BABAM2: variants seen among roughly 807,000 people sequenced by gnomAD.
BABAM2 encodes BRISC and BRCA1-A complex member 2.
A neutral mutation model predicts 54.7 loss-of-function variants in BABAM2; 31 were observed. The observed-to-expected ratio is 0.57, with a 90% confidence interval of 0.43 to 0.77. BABAM2 has a LOEUF of 0.77. Ranked by LOEUF, BABAM2 falls within the 30% of genes least tolerant of loss-of-function variation. The pLI, the probability that BABAM2 is intolerant of heterozygous loss-of-function variation, is 0.00. For synonymous variants in BABAM2, 167 were observed against 162.9 expected, an observed-to-expected ratio of 1.03 and a Z score of -0.19; for missense variants, 364 against 455.8, an observed-to-expected ratio of 0.80 and a Z score of 1.83.
intron 6 of BABAM2, among the ~76,000 whole-genome samples, chr2:28,101,534 T>C (rs1667081074): frequency 6.6e-6 from 1 of 152,176 alleles, no homozygotes; most frequent in Admixed American, 6.5e-5. Context: ...AGGGCTGAGA[T>C]AGAGTCTGTC....
chr2:27,929,867 G>T lies in BABAM2; in HGVS notation c.164G>T (p.Arg55Leu). The T allele has an allele frequency of 6.2e-7, 1 of 1,613,682 alleles. No homozygotes were observed. ...TTGACTCCTGGGCCCAACTGTGACC[G>T]ATTTAAACTGCACATACCATATGCT... Reference protein sequence around the residue: ...TSLTPGPNCDRFKLHIPYAGE... With the variant: ...TSLTPGPNCDLFKLHIPYAGE... The change falls in exon 3 of 12, where the codon CGA becomes CTA. Residue 55 changes from arginine (R) to leucine (L), a missense_variant. Physicochemically the swap from Arg to Leu is moderately radical, Grantham distance 102 (BLOSUM62 -2). Transcript: ENST00000379624.
At chr2:28,150,565 A>G (rs1405374757) in intron 7 of BABAM2, among the ~76,000 whole-genome samples, 1 of 152,218 alleles carries the variant, frequency 6.6e-6, no homozygotes, top group Non-Finnish European at 1.5e-5. Context: ...AAATGGGGCA[A>G]TCTGTAAGTA....
chr2:28,317,069 C>T (rs1035154361), intron 11 of BABAM2, among the ~76,000 whole-genome samples: 1 of 152,092 alleles, frequency 6.6e-6, no homozygotes, highest in South Asian at 2.1e-4. Flanking sequence ...GCATGTCCTT[C>T]GGCACTGCCG....
At chr2:28,281,238 G>A (rs1207524145) in intron 10 of BABAM2, among the ~76,000 whole-genome samples, 1 of 152,176 alleles carries the variant, frequency 6.6e-6, no homozygotes, top group Non-Finnish European at 1.5e-5. Context: ...GGTCCCTATG[G>A]AGGAGGACAA....
intron 3 of BABAM2, among the ~76,000 whole-genome samples, chr2:27,973,979 A>G (rs1573302944): frequency 6.6e-6 from 1 of 152,224 alleles, no homozygotes; most frequent in Non-Finnish European, 1.5e-5. Context: ...GAGATAAACT[A>G]TCAAGATTCA....
At chr2:28,115,902 G>T (rs1006536951) in intron 6 of BABAM2, among the ~76,000 whole-genome samples, 1 of 151,910 alleles carries the variant, frequency 6.6e-6, no homozygotes. Context: ...ATCACCTGAG[G>T]TCGGGAGTTC....
intron 7 of BABAM2, among the ~76,000 whole-genome samples, chr2:28,175,156 C>T (rs1674782255): frequency 6.6e-6 from 1 of 152,156 alleles, no homozygotes; most frequent in South Asian, 2.1e-4. Context: ...CCACAGCTGT[C>T]ACCATTAGGA....
chr2:28,137,960 C>T (rs1360398258), intron 7 of BABAM2, among the ~76,000 whole-genome samples: 5 of 152,126 alleles, frequency 3.3e-5, no homozygotes, highest in Admixed American at 3.3e-4. Context: ...AGGCCTAGCA[C>T]CTTTCTGCAA....
intron 6 of BABAM2, among the ~76,000 whole-genome samples, chr2:28,061,146 A>G (rs1190314504): frequency 2.0e-5 from 3 of 152,214 alleles, no homozygotes; most frequent in Admixed American, 2.0e-4. Context: ...AGTATAGATC[A>G]TTGGAACAGA....
At chr2:28,085,670 C>T (rs142305303) in intron 6 of BABAM2, among the ~76,000 whole-genome samples, 28 of 152,218 alleles carry the variant, frequency 1.8e-4, no homozygotes, top group African/African-American at 6.0e-4. Context: ...GTTTATTTCT[C>T]GTGTGTCATG....
At chr2:28,120,351 T>A (rs1668963886) in intron 6 of BABAM2, among the ~76,000 whole-genome samples, 2 of 152,282 alleles carry the variant, frequency 1.3e-5, no homozygotes, top group Admixed American at 6.5e-5. Flanking sequence ...ATACAGTAAA[T>A]CTTTCCTGCA....
At chr2:28,135,428 C>T (rs1162734175) in intron 7 of BABAM2, among the ~76,000 whole-genome samples, 3 of 151,920 alleles carry the variant, frequency 2.0e-5, no homozygotes, top group African/African-American at 4.8e-5. Flanking sequence ...TTTTTCAACC[C>T]ATTAAATTAT....
intron 2 of BABAM2, among the ~76,000 whole-genome samples, chr2:27,929,410 T>A (rs1277161185): frequency 6.6e-6 from 1 of 152,202 alleles, no homozygotes; most frequent in Non-Finnish European, 1.5e-5. Flanking sequence ...AGAAAAAGGC[T>A]AAAAGTGGGC....
At chr2:28,158,624 C>T (rs933091679) in intron 7 of BABAM2, among the ~76,000 whole-genome samples, 9 of 152,218 alleles carry the variant, frequency 5.9e-5, no homozygotes, top group African/African-American at 1.7e-4. Flanking sequence ...TTGGACCATT[C>T]TGCTGTTTGT....
intron 7 of BABAM2, among the ~76,000 whole-genome samples, chr2:28,196,768 G>T (rs1229430576): frequency 6.8e-6 from 1 of 148,018 alleles, no homozygotes; most frequent in Non-Finnish European, 1.5e-5. Context: ...AGGATTGCTG[G>T]AGCCCAGAAA....
chr2:28,091,802 CAAT>C (rs1666181537), intron 6 of BABAM2, among the ~76,000 whole-genome samples: 1 of 152,084 alleles, frequency 6.6e-6, no homozygotes, highest in Non-Finnish European at 1.5e-5. Flanking sequence ...AATATTTTGT[CAAT>C]AAATACTTTG....
At chr2:28,099,779 T>C (rs1156791659) in intron 6 of BABAM2, among the ~76,000 whole-genome samples, 1 of 152,196 alleles carries the variant, frequency 6.6e-6, no homozygotes, top group Admixed American at 6.5e-5. Context: ...TTGAAAACAG[T>C]AATCCTAATA....
At chr2:28,106,209 C>T (rs1234197102) in intron 6 of BABAM2, among the ~76,000 whole-genome samples, 3 of 151,918 alleles carry the variant, frequency 2.0e-5, no homozygotes, top group Non-Finnish European at 4.4e-5. Context: ...ATTCTAAGAT[C>T]CCATTCAAAT....
At chr2:28,327,781 G>A (rs2148326359) in intron 11 of BABAM2, among the ~76,000 whole-genome samples, 1 of 152,252 alleles carries the variant, frequency 6.6e-6, no homozygotes, top group East Asian at 1.9e-4. Context: ...TGAGCATGTG[G>A]TACTGTGTTC....
Sources: gnomAD v4.1 joint callset for allele counts (sites outside exome capture counted in the v4.1 genomes callset) on GRCh38, gnomAD v4.1.1 for gene constraint, MANE v1.5 for transcripts, NCBI Gene and HGNC (gene_info 2026-07-23, HGNC 2026-07-21) for gene names.